Variants in SCARA5 observed in about 807,000 individuals in gnomAD.
SCARA5 encodes scavenger receptor class A member 5.
Under a neutral mutation model 46.3 loss-of-function variants are expected in SCARA5, and 45 were observed. The observed-to-expected ratio is 0.97, with a 90% CI of 0.76 to 1.24. The LOEUF is 1.24. SCARA5 is among the 50% of genes most tolerant of loss of function. The pLI, the probability that SCARA5 is intolerant of heterozygous loss-of-function variation, is 0.00. For synonymous variants in SCARA5, 333 were observed against 306.5 expected (o/e 1.09, Z -0.90); for missense variants, 680 against 689.0 (o/e 0.99, Z 0.15).
At chr8:27,964,070 C>G (rs1391686809) in intron 3 of SCARA5, among the ~76,000 whole-genome samples, 2 of 152,304 alleles carry the variant, frequency 1.3e-5, no homozygotes, top group East Asian at 3.9e-4. Flanking sequence ...TCCCCTGACC[C>G]CTGATCTTGG....
chr8:27,984,094 C>T (rs896567134), intron 2 of SCARA5, among the ~76,000 whole-genome samples: 5 of 152,086 alleles, frequency 3.3e-5, no homozygotes, highest in Non-Finnish European at 5.9e-5. Context: ...TTCCCAACTT[C>T]CCCCTCCTCC....
chr8:27,891,472 G>C (rs1413889656), intron 7 of SCARA5, among the ~76,000 whole-genome samples: 1 of 152,130 alleles, frequency 6.6e-6, no homozygotes, highest in Non-Finnish European at 1.5e-5. Flanking sequence ...CCAAAGTGCT[G>C]GGATTACAGG....
chr8:27,946,849 C>T (rs1198102198), intron 3 of SCARA5, among the ~76,000 whole-genome samples: 1 of 152,116 alleles, frequency 6.6e-6, no homozygotes, highest in African/African-American at 2.4e-5. Flanking sequence ...AATAACAACC[C>T]ACCCCTCCCT....
intron 7 of SCARA5, among the ~76,000 whole-genome samples, chr8:27,892,136 A>C (rs778755095): frequency 1.3e-5 from 2 of 152,236 alleles, no homozygotes; most frequent in African/African-American, 2.4e-5. Flanking sequence ...AGAGCTGAGC[A>C]GACACAAAGA....
At chr8:27,922,310 C>T (rs1267739667) in intron 3 of SCARA5, 65 bp from the exon 4 acceptor site, 13 of 1,213,818 alleles carry the variant, frequency 1.1e-5, no homozygotes, top group African/African-American at 1.6e-5. Flanking sequence ...TGACAAGAGG[C>T]GAACCCAGTC....
intron 3 of SCARA5, among the ~76,000 whole-genome samples, chr8:27,941,479 A>C (rs1186583542): frequency 1.3e-5 from 2 of 152,216 alleles, no homozygotes; most frequent in African/African-American, 4.8e-5. Flanking sequence ...ATGAACTCTA[A>C]TTGAGCACTT....
At chr8:27,992,089 C>T (rs1037122417) in intron 1 of SCARA5, among the ~76,000 whole-genome samples, 168 bp downstream of exon 1, 1 of 152,154 alleles carries the variant, frequency 6.6e-6, no homozygotes, top group African/African-American at 2.4e-5. Context: ...CAGATATCTG[C>T]GGGCCCAGCA....
chr8:27,989,421 C>T (rs1311674522), intron 1 of SCARA5, among the ~76,000 whole-genome samples: 1 of 152,136 alleles, frequency 6.6e-6, no homozygotes, highest in African/African-American at 2.4e-5. Flanking sequence ...AGCCACTGCA[C>T]CCAGCTGAAG....
At chr8:27,985,275 G>C (rs908626159) in intron 2 of SCARA5, among the ~76,000 whole-genome samples, 2 of 152,098 alleles carry the variant, frequency 1.3e-5, no homozygotes, top group Non-Finnish European at 2.9e-5. Context: ...GGGGAGGTGA[G>C]AGCATGGACC....
At chr8:27,922,937 C>T (rs1173625024) in intron 3 of SCARA5, among the ~76,000 whole-genome samples, 1 of 152,210 alleles carries the variant, frequency 6.6e-6, no homozygotes, top group East Asian at 1.9e-4. Context: ...AACAGGCCCT[C>T]ACCAGACATG....
At chr8:27,927,628 C>T (rs760478853) in intron 3 of SCARA5, among the ~76,000 whole-genome samples, 28 of 152,098 alleles carry the variant, frequency 1.8e-4, no homozygotes, top group Non-Finnish European at 3.8e-4. Flanking sequence ...CATTCTCTTA[C>T]TGTTGAATCC....
At chr8:27,978,030 T>G (rs1257075120) in intron 2 of SCARA5, among the ~76,000 whole-genome samples, 5 of 145,554 alleles carry the variant, frequency 3.4e-5, no homozygotes, top group African/African-American at 5.1e-5. Context: ...TTTTGTTTTT[T>G]TTTTTTTTTT....
chr8:27,922,066 C>T lies in SCARA5; in HGVS notation c.421G>A (p.Ala141Thr), dbSNP rs1563527221. 6.3e-7 allele frequency: 1 copy of T among 1,592,894 alleles called. No homozygotes were observed. Among genetic ancestry groups the T allele is most frequent in the East Asian group, 2.3e-5 (1 of 43,846 alleles). ...ALQNQSDSLL[A>T]LAGAVQRLEG... ...AGCCGCTGCACTGCGCCCGCCAGCG[C>T]CAGCAACGAGTCTGACTGGTTCTGC... Residue 141 changes from alanine (A) to threonine (T), a missense_variant, in exon 4 of 9, where the codon GCG becomes ACG. Physicochemically the swap from Ala to Thr is moderately conservative, Grantham distance 58 (BLOSUM62 0). Around this residue, in one of 3 missense-constraint regions of SCARA5, gnomAD observed 438 missense variants for 384.5 expected, o/e 1.14. Coordinates refer to ENST00000354914, the MANE Select transcript of SCARA5 (RefSeq NM_173833.6).
intron 2 of SCARA5, among the ~76,000 whole-genome samples, chr8:27,973,989 G>T (rs1808484612): frequency 6.6e-6 from 1 of 152,178 alleles, no homozygotes; most frequent in Non-Finnish European, 1.5e-5. Context: ...TATCCTGGGG[G>T]TAGGGAGATG....
At chr8:27,942,137 C>A (rs1329755975) in intron 3 of SCARA5, among the ~76,000 whole-genome samples, 1 of 152,058 alleles carries the variant, frequency 6.6e-6, no homozygotes. Context: ...CCCCCATTCA[C>A]ATGAGATGAA....
chr8:27,907,354 G>A (rs1807280892), intron 5 of SCARA5, 108 bp from the exon 6 acceptor site: 2 of 701,970 alleles, frequency 2.8e-6, no homozygotes, highest in Non-Finnish European at 4.7e-6. Context: ...TCCTCTCTTA[G>A]CCTCTGTGTC....
chr8:27,946,820 C>T (rs1320641321), intron 3 of SCARA5, among the ~76,000 whole-genome samples: 1 of 152,134 alleles, frequency 6.6e-6, no homozygotes, highest in African/African-American at 2.4e-5. Flanking sequence ...AGGGGTGGGC[C>T]TTGGGCATCT....
intron 3 of SCARA5, among the ~76,000 whole-genome samples, chr8:27,958,396 G>C (rs984313452): frequency 2.0e-5 from 3 of 152,190 alleles, no homozygotes; most frequent in Non-Finnish European, 4.4e-5. Flanking sequence ...GGGGGCAGGG[G>C]AAGTACAGTG....
chr8:27,969,772 G>A (rs1585519879), intron 2 of SCARA5, among the ~76,000 whole-genome samples: 3 of 152,254 alleles, frequency 2.0e-5, no homozygotes, highest in African/African-American at 7.2e-5. Flanking sequence ...GGGTATATGG[G>A]AATGTTCTGT....
Sources: gnomAD v4.1 joint callset for allele counts (sites outside exome capture counted in the v4.1 genomes callset) on GRCh38, gnomAD v4.1.1 for gene constraint, gnomAD v4.1.1 regional missense constraint, MANE v1.5 for transcripts, NCBI Gene and HGNC (gene_info 2026-07-23, HGNC 2026-07-21) for gene names.